The following EPC1 variants were observed in gnomAD, a reference collection of about 807,000 sequenced individuals.
EPC1 encodes the protein enhancer of polycomb homolog 1.
In EPC1, 12 loss-of-function variants were observed where a neutral mutation model predicts 98.4. That is an observed-to-expected ratio of 0.12 (90% CI 0.08 to 0.20). The LOEUF (loss-of-function observed/expected upper bound fraction) is 0.20. Among genes scored for constraint, EPC1 ranks in the 10% least tolerant of loss-of-function variants. EPC1 has a pLI of 1.00. For synonymous variants in EPC1, 357 were observed against 363.9 expected (o/e 0.98, Z 0.21); for missense variants, 729 against 990.5 (o/e 0.74, Z 3.54).
chr10:32,308,787 T>C (rs1836025208), intron 1 of EPC1, among the ~76,000 whole-genome samples: 1 of 152,180 alleles, frequency 6.6e-6, no homozygotes, highest in Non-Finnish European at 1.5e-5. Flanking sequence ...GCTAGGTATA[T>C]ACCCGAAAGA....
chr10:32,366,058 G>A (rs953546048), intron 1 of EPC1, among the ~76,000 whole-genome samples: 34 of 151,942 alleles, frequency 2.2e-4, no homozygotes, highest in African/African-American at 6.0e-4. Context: ...GCTTGAACCC[G>A]GGAAGAGGAG....
At chr10:32,282,560 G>GAAATGAT (rs755616279) in intron 10 of EPC1, 5 of 152,116 alleles carry the variant, frequency 3.3e-5, no homozygotes, top group Non-Finnish European at 5.9e-5. Flanking sequence ...ATGGAGGAAA[G>GAAATGAT]AAATGATAAA....
rs76795095 is a variant in EPC1, at chr10:32,368,520, T to C, written c.3+9971A>G. On this transcript the variant is annotated intron_variant, in intron 1 of 13. Transcript: ENST00000375110. Reference sequence around the variant, plus strand: ...CCAGTCAAAACTACCTTTTCCTTTATGGCTCAGGGAAGTGTTTTTTTTGTT... The same window carrying C: ...CCAGTCAAAACTACCTTTTCCTTTACGGCTCAGGGAAGTGTTTTTTTTGTT... Among the ~76,000 whole-genome samples, 638 of 152,330 alleles carry C rather than the reference T, an allele frequency of 4.2e-3. 3 individuals carry two copies. The highest frequency in any genetic ancestry group is 0.014 in the African/African-American group (595 of 41,576).
At chr10:32,365,898 C>T (rs949367536) in intron 1 of EPC1, among the ~76,000 whole-genome samples, 2 of 145,504 alleles carry the variant, frequency 1.4e-5, no homozygotes, top group Non-Finnish European at 3.0e-5. Flanking sequence ...CTTTGGGGGG[C>T]CGAGATGGGT....
intron 1 of EPC1, among the ~76,000 whole-genome samples, chr10:32,318,774 A>T (rs1360427322): frequency 6.6e-6 from 1 of 152,104 alleles, no homozygotes; most frequent in Non-Finnish European, 1.5e-5. Context: ...ATTACTCAAT[A>T]CTCTCCATCC....
At chr10:32,324,600 TA>T (rs1837153089) in intron 1 of EPC1, among the ~76,000 whole-genome samples, 1 of 151,792 alleles carries the variant, frequency 6.6e-6, no homozygotes, top group African/African-American at 2.4e-5. Context: ...AATAAGTAGA[TA>T]AATTTTTAAA....
At chr10:32,342,162 T>C (rs540061770) in intron 1 of EPC1, among the ~76,000 whole-genome samples, 2 of 152,364 alleles carry the variant, frequency 1.3e-5, no homozygotes, top group African/African-American at 4.8e-5. Flanking sequence ...TGTAATTAGT[T>C]TGTTAAACTT....
upstream of EPC1, among the ~76,000 whole-genome samples, chr10:32,347,714 C>G (rs898385810): frequency 1.3e-5 from 2 of 152,206 alleles, no homozygotes; most frequent in Non-Finnish European, 2.9e-5. Context: ...CCCGCGGCGC[C>G]TTAGGTCTTT....
intron 1 of EPC1, among the ~76,000 whole-genome samples, chr10:32,317,678 T>A (rs1360330274): frequency 6.6e-6 from 1 of 152,154 alleles, no homozygotes; most frequent in Admixed American, 6.6e-5. Flanking sequence ...GAACACATTT[T>A]ACTTTTGTAT....
intron 1 of EPC1, among the ~76,000 whole-genome samples, chr10:32,318,300 T>C (rs1469530532): frequency 6.6e-6 from 1 of 152,134 alleles, no homozygotes; most frequent in Admixed American, 6.5e-5. Flanking sequence ...CAGATACAAA[T>C]GTGTCTGTTT....
chr10:32,346,456 C>T (rs1838818669), intron 1 of EPC1: 1 of 327,120 alleles, frequency 3.1e-6, no homozygotes, highest in African/African-American at 2.2e-5. Context: ...AACCCAAGAA[C>T]TAAGACACAA....
At chr10:32,378,056 G>C (rs1406950734) in intron 1 of EPC1, among the ~76,000 whole-genome samples, 1 of 152,012 alleles carries the variant, frequency 6.6e-6, no homozygotes, top group African/African-American at 2.4e-5. Context: ...TCTGTAGTTT[G>C]TATCCAAGTA....
upstream of EPC1, chr10:32,347,219 G>C: frequency 1.6e-6 from 2 of 1,227,336 alleles, no homozygotes; most frequent in Non-Finnish European, 2.0e-6. Flanking sequence ...GCGGGCACGC[G>C]GGCGGGGGGA....
At chr10:32,300,391 C>A (rs1382789172) in intron 2 of EPC1, among the ~76,000 whole-genome samples, 2 of 150,974 alleles carry the variant, frequency 1.3e-5, no homozygotes, top group African/African-American at 2.5e-5. Flanking sequence ...CTTTCCCTCC[C>A]GCCCCCGCTC....
chr10:32,279,272 C>G (rs1301627161), intron 10 of EPC1, among the ~76,000 whole-genome samples: 1 of 151,686 alleles, frequency 6.6e-6, no homozygotes, highest in Admixed American at 6.6e-5. Flanking sequence ...TCGCTGAACC[C>G]GGTAGGCGGA....
intron 9 of EPC1, chr10:32,286,486 A>C: frequency 1.8e-6 from 1 of 560,866 alleles, no homozygotes. Context: ...AAGCAGGTCC[A>C]CTAGGGACCC....
At chr10:32,302,515 T>A (rs1835617947) in intron 2 of EPC1, among the ~76,000 whole-genome samples, 1 of 151,742 alleles carries the variant, frequency 6.6e-6, no homozygotes, top group African/African-American at 2.4e-5. Context: ...CTGGGCATGG[T>A]GGCACGCGCC....
At chr10:32,373,178 T>C (rs1029894162) in intron 1 of EPC1, among the ~76,000 whole-genome samples, 2 of 152,160 alleles carry the variant, frequency 1.3e-5, no homozygotes, top group African/African-American at 4.8e-5. Context: ...GGGCCAAGTG[T>C]CTGGGGTATA....
chr10:32,363,450 T>C (rs1839501769), intron 1 of EPC1, among the ~76,000 whole-genome samples: 1 of 103,654 alleles, frequency 9.6e-6, no homozygotes, highest in South Asian at 3.2e-4. Flanking sequence ...CCCCTGAGTA[T>C]CCTGAGCCAG....
Sources: gnomAD v4.1 joint callset for allele counts (sites outside exome capture counted in the v4.1 genomes callset) on GRCh38, gnomAD v4.1.1 for gene constraint, MANE v1.5 for transcripts, NCBI Gene and HGNC (gene_info 2026-07-23, HGNC 2026-07-21) for gene names.